VPS13B: variants seen among roughly 807,000 people sequenced by gnomAD.
The protein encoded by VPS13B is vacuolar protein sorting 13 homolog B, also known as intermembrane lipid transfer protein VPS13B.
In VPS13B, 285 loss-of-function variants were observed where a neutral mutation model predicts 426.4. The ratio of observed to expected loss-of-function variants is 0.67; its 90% confidence interval spans 0.61 to 0.74. VPS13B has a LOEUF of 0.74. VPS13B is among the 30% of genes least tolerant of loss of function. The pLI, the probability that VPS13B is intolerant of heterozygous loss-of-function variation, is 0.00. For missense variants in VPS13B, 4,537 were observed against 4,782.6 expected (o/e 0.95, Z 1.51); for synonymous variants, 1,676 against 1,676.4 (o/e 1.00, Z 0.01).
intron 17 of VPS13B, among the ~76,000 whole-genome samples, chr8:99,250,571 T>C (rs1415475842): frequency 5.8e-5 from 4 of 68,968 alleles, no homozygotes; most frequent in Non-Finnish European, 1.2e-4. Context: ...CTTTCTTTCA[T>C]TAAATTGTAT....
chr8:99,279,196 G>C (rs577981940), intron 19 of VPS13B, among the ~76,000 whole-genome samples: 1 of 152,110 alleles, frequency 6.6e-6, no homozygotes, highest in African/African-American at 2.4e-5. Flanking sequence ...CCAAGATCAC[G>C]TACTGCACTG....
intron 16 of VPS13B, among the ~76,000 whole-genome samples, chr8:99,172,737 T>C (rs1208777504): frequency 2.0e-5 from 3 of 152,168 alleles, no homozygotes; most frequent in Non-Finnish European, 4.4e-5. Flanking sequence ...GTTAATAGTA[T>C]GTAGATATTA....
chr8:99,311,830 C>T (rs1820994800), intron 19 of VPS13B, among the ~76,000 whole-genome samples: 1 of 152,094 alleles, frequency 6.6e-6, no homozygotes, highest in Non-Finnish European at 1.5e-5. Flanking sequence ...TCTCTAAGGA[C>T]TTGCTTTATG....
At chr8:99,628,068 T>G (rs912571974) in intron 33 of VPS13B, among the ~76,000 whole-genome samples, 1 of 152,230 alleles carries the variant, frequency 6.6e-6, no homozygotes, top group East Asian at 1.9e-4. Context: ...GCATTGAATT[T>G]AGAATATGAA....
At chr8:99,740,775 A>T (rs539493551) in intron 39 of VPS13B, among the ~76,000 whole-genome samples, 1 of 152,206 alleles carries the variant, frequency 6.6e-6, no homozygotes, top group Non-Finnish European at 1.5e-5. Context: ...GCAAATGCTG[A>T]GAGATTTTGT....
chr8:99,577,781 T>A, intron 33 of VPS13B, 148 bp downstream of exon 33: 1 of 1,111,850 alleles, frequency 9.0e-7, no homozygotes, highest in Non-Finnish European at 1.3e-6. Flanking sequence ...CATTTTGGAT[T>A]GATATTCTTT....
At position 99,573,476 on chromosome 8, in the gene VPS13B, A is replaced by G. The variant is rs1825596829; in HGVS notation, c.4950-2182A>G. Among the ~76,000 whole-genome samples, 3 of 152,156 alleles carry G rather than the reference A, an allele frequency of 2.0e-5. No individual in the cohort carries two copies. The South Asian group carries it at 6.2e-4, about 32-fold the overall frequency. ...TAATCCATCTTGAATTAATTTTTGT[A>G]TAAGGTGTAAGGAAGGGATTGAGTT... On this transcript the variant is annotated intron_variant, in intron 31 of 61. Coordinates refer to ENST00000357162, the MANE Select transcript of VPS13B (RefSeq NM_152564.5).
intron 3 of VPS13B, among the ~76,000 whole-genome samples, chr8:99,052,677 G>C (rs1843623313): frequency 6.6e-6 from 1 of 151,232 alleles, no homozygotes; most frequent in South Asian, 2.1e-4. Context: ...TTTTTTGGTT[G>C]GTAAGCTATT....
At chr8:99,767,855 G>A (rs139200316) in intron 40 of VPS13B, among the ~76,000 whole-genome samples, 5 of 152,220 alleles carry the variant, frequency 3.3e-5, no homozygotes, top group South Asian at 4.1e-4. Context: ...CTTGAGCCCC[G>A]GAGGGTGAGG....
chr8:99,161,422 A>G (rs946339880), intron 15 of VPS13B, among the ~76,000 whole-genome samples: 15 of 152,234 alleles, frequency 9.9e-5, no homozygotes, highest in Admixed American at 2.6e-4. Context: ...ATTGGTCATC[A>G]ATATAGTCAC....
chr8:99,126,090 G>A (rs1588066330), intron 8 of VPS13B, among the ~76,000 whole-genome samples: 1 of 152,184 alleles, frequency 6.6e-6, no homozygotes, highest in Admixed American at 6.5e-5. Context: ...GAGATGGAAA[G>A]TCTGATGATC....
At chr8:99,021,379 T>C (rs1841876863) in intron 2 of VPS13B, among the ~76,000 whole-genome samples, 1 of 152,110 alleles carries the variant, frequency 6.6e-6, no homozygotes, top group Non-Finnish European at 1.5e-5. Context: ...TCCCGGCACT[T>C]TGGGAGGCCG....
intron 14 of VPS13B, 124 bp downstream of exon 14, chr8:99,148,134 T>C (rs1588087931): frequency 9.4e-7 from 1 of 1,068,992 alleles, no homozygotes; most frequent in East Asian, 2.6e-5. Flanking sequence ...TCCTGGCAAT[T>C]CAGGAGGCTG....
chr8:99,068,505 G>C (rs894512617), intron 3 of VPS13B, among the ~76,000 whole-genome samples: 2 of 152,100 alleles, frequency 1.3e-5, no homozygotes, highest in Non-Finnish European at 2.9e-5. Context: ...TATTGTGTTT[G>C]GTTGCTTTCA....
At chr8:99,202,908 C>T (rs1814430315) in intron 17 of VPS13B, among the ~76,000 whole-genome samples, 2 of 152,120 alleles carry the variant, frequency 1.3e-5, no homozygotes, top group African/African-American at 4.8e-5. Flanking sequence ...GTGGTGGGCA[C>T]CTGTAGTCCC....
At chr8:99,661,322 T>C (rs369940159) in intron 34 of VPS13B, 32 bp from the exon 35 acceptor site, 1 of 1,612,670 alleles carries the variant, frequency 6.2e-7, no homozygotes, top group Non-Finnish European at 8.5e-7. Flanking sequence ...GTGATGTAAC[T>C]GATGTTTTTA....
chr8:99,156,189 A>T (rs188367894), intron 14 of VPS13B, among the ~76,000 whole-genome samples: 1 of 152,196 alleles, frequency 6.6e-6, no homozygotes, highest in South Asian at 2.1e-4. Context: ...AAAATAAAAG[A>T]TGCTGACTCT....
chr8:99,848,799 C>CT lies in VPS13B; in HGVS notation c.9967dup (p.Tyr3323LeufsTer41). On this transcript the variant is annotated frameshift_variant, in exon 55 of 62. Transcript: ENST00000357162. LOFTEE classifies it high-confidence loss of function. ...AGGTTGTGTTCCTGACTGGCTTTGG[C>CT]TATGTGTATGTGGATGTTGTACATC... 1 of 1,614,052 alleles carries CT rather than the reference C, an allele frequency of 6.2e-7. No homozygotes were observed. Among genetic ancestry groups the CT allele is most frequent in the Non-Finnish European group, 8.5e-7 (1 of 1,179,990 alleles).
rs139134734 is a variant in VPS13B, at chr8:99,377,686, G to C, written c.2825-6522G>C. Among the ~76,000 whole-genome samples, 52 of 152,156 alleles carry C rather than the reference G, an allele frequency of 3.4e-4. 1 individual carries two copies. In the East Asian group the frequency reaches 7.7e-3, roughly 23 times the overall value. On this transcript the variant is annotated intron_variant, in intron 19 of 61. Transcript: ENST00000357162. The stretch of plus-strand genomic sequence containing the variant: ...TGTTGGCTGGTCTTAGAAATAAAGA[G>C]AAAGGCTACAAAAGAGAGAAATATT...
Sources: gnomAD v4.1 joint callset for allele counts (sites outside exome capture counted in the v4.1 genomes callset) on GRCh38, gnomAD v4.1.1 for gene constraint, MANE v1.5 for transcripts, NCBI Gene and HGNC (gene_info 2026-07-23, HGNC 2026-07-21) for gene names.